DRC5: variants seen among roughly 807,000 people sequenced by gnomAD.
DRC5 encodes T-complex-associated testis-expressed protein 1.
chr6:44,279,956 C>A, the DRC5 span: 4 of 462,516 alleles, frequency 8.6e-6, no homozygotes, highest in Non-Finnish European at 1.2e-5. Flanking sequence ...CAGTAATATC[C>A]TTTCCCTGGG....
the DRC5 span, among the ~76,000 whole-genome samples, chr6:44,288,268 GT>G: frequency 6.6e-6 from 1 of 152,116 alleles, no homozygotes; most frequent in Non-Finnish European, 1.5e-5. Flanking sequence ...AATCTTTTTA[GT>G]TCTTTATGCC....
At chr6:44,297,125 G>A in the DRC5 span, among the ~76,000 whole-genome samples, 13 of 152,292 alleles carry the variant, frequency 8.5e-5, no homozygotes, top group East Asian at 1.5e-3. Flanking sequence ...CAGCTCCAAA[G>A]GCCAGGAGTC....
the DRC5 span, among the ~76,000 whole-genome samples, chr6:44,290,997 C>A: frequency 6.6e-6 from 1 of 152,190 alleles, no homozygotes; most frequent in Non-Finnish European, 1.5e-5. Flanking sequence ...CTGTTTTGTG[C>A]CTGCAGCCTG....
At chr6:44,285,129 C>T in the DRC5 span, among the ~76,000 whole-genome samples, 13 of 152,298 alleles carry the variant, frequency 8.5e-5, no homozygotes, top group African/African-American at 1.9e-4. Flanking sequence ...CTGTCTGGAA[C>T]GCTCCTCCCT....
chr6:44,287,872 T>A, the DRC5 span: 1 of 1,582,670 alleles, frequency 6.3e-7, no homozygotes, highest in Middle Eastern at 1.8e-4. Context: ...GATGGCCTTA[T>A]GACAAGAAGC....
chr6:44,282,083 C>A, the DRC5 span: 1 of 1,596,452 alleles, frequency 6.3e-7, no homozygotes, highest in East Asian at 2.2e-5. Flanking sequence ...CACACCCACC[C>A]TCACAAGCCC....
At chr6:44,280,121 G>C in the DRC5 span, 2 of 1,455,616 alleles carry the variant, frequency 1.4e-6, no homozygotes, top group Non-Finnish European at 1.9e-6. Flanking sequence ...CTCTGCAGCA[G>C]GCATGGCAGG....
chr6:44,294,396 T>C, the DRC5 span, among the ~76,000 whole-genome samples: 1 of 152,164 alleles, frequency 6.6e-6, no homozygotes, highest in African/African-American at 2.4e-5. Flanking sequence ...TCAGGATATA[T>C]GTATTCCACA....
At chr6:44,295,565 G>GA in the DRC5 span, among the ~76,000 whole-genome samples, 7 of 152,248 alleles carry the variant, frequency 4.6e-5, no homozygotes, top group African/African-American at 1.7e-4. Flanking sequence ...ACAGGTAATA[G>GA]AAAGTGACAA....
At chr6:44,288,169 T>G in the DRC5 span, among the ~76,000 whole-genome samples, 1 of 152,236 alleles carries the variant, frequency 6.6e-6, no homozygotes, top group Admixed American at 6.5e-5. Context: ...GGGCATAATA[T>G]AGTATCTGAC....
At chr6:44,286,532 T>TGGGAA in the DRC5 span, 2 of 1,608,832 alleles carry the variant, frequency 1.2e-6, no homozygotes, top group Non-Finnish European at 1.7e-6. Flanking sequence ...GATAGGGTTT[T>TGGGAA]CTTTGGGAAC....
At chr6:44,294,335 T>C in the DRC5 span, among the ~76,000 whole-genome samples, 4 of 152,218 alleles carry the variant, frequency 2.6e-5, no homozygotes, top group African/African-American at 9.6e-5. Flanking sequence ...TTTCTGACAG[T>C]TTAAGTGTGC....
At chr6:44,295,238 C>T in the DRC5 span, among the ~76,000 whole-genome samples, 11 of 152,120 alleles carry the variant, frequency 7.2e-5, no homozygotes, top group Admixed American at 3.9e-4. Flanking sequence ...GGAGTGGGTA[C>T]GTCTTGTGCC....
the DRC5 span, chr6:44,282,131 C>T: frequency 1.9e-6 from 3 of 1,613,412 alleles, no homozygotes; most frequent in Non-Finnish European, 2.5e-6. Context: ...GGTTGCAGGA[C>T]AGGTTGATGC....
the DRC5 span, chr6:44,287,510 T>A: frequency 3.8e-6 from 6 of 1,570,450 alleles, no homozygotes; most frequent in Non-Finnish European, 5.2e-6. Flanking sequence ...GCCCCCCTCT[T>A]GGCCTTCTCC....
chr6:44,287,158 C>T, the DRC5 span: 2 of 980,872 alleles, frequency 2.0e-6, no homozygotes, highest in Non-Finnish European at 1.2e-6. Flanking sequence ...TATTACAGAG[C>T]ACAAAATATG....
the DRC5 span, among the ~76,000 whole-genome samples, chr6:44,291,269 T>TA: frequency 6.6e-6 from 1 of 152,256 alleles, no homozygotes; most frequent in Non-Finnish European, 1.5e-5. Flanking sequence ...CTTGATTTTT[T>TA]AAAAATGGAT....
the DRC5 span, among the ~76,000 whole-genome samples, chr6:44,290,172 G>A: frequency 1.3e-5 from 2 of 152,326 alleles, no homozygotes; most frequent in African/African-American, 4.8e-5. Flanking sequence ...ATCTCAGAGT[G>A]TAGGGCTGGA....
the DRC5 span, chr6:44,286,159 C>T: frequency 2.1e-5 from 34 of 1,613,580 alleles, no homozygotes; most frequent in Non-Finnish European, 2.6e-5. Context: ...CCATCTCTCC[C>T]TCGCTGCCTG....
Sources: gnomAD v4.1 joint callset for allele counts (sites outside exome capture counted in the v4.1 genomes callset) on GRCh38, gnomAD v4.1.1 for gene constraint, MANE v1.5 for transcripts, NCBI Gene and HGNC (gene_info 2026-07-23, HGNC 2026-07-21) for gene names.